Variants in SENP6 observed in about 807,000 individuals in gnomAD.
SENP6 encodes the protein SUMO specific peptidase 6.
SENP6 carries 41 observed loss-of-function variants against 134.5 expected under a neutral mutation model. The observed-to-expected ratio is 0.30, with a 90% CI of 0.24 to 0.40. SENP6 has a LOEUF of 0.40. Among genes scored for constraint, SENP6 ranks in the 10% least tolerant of loss-of-function variants. The probability of loss-of-function intolerance (pLI) is 1.00; values close to 1 mark genes in which losing one functional copy is unlikely to be tolerated. For missense variants in SENP6, 1,248 were observed against 1,312.5 expected, an observed-to-expected ratio of 0.95 and a Z score of 0.76; for synonymous variants, 395 against 429.8, an observed-to-expected ratio of 0.92 and a Z score of 1.00.
chr6:75,645,213 T>C lies in SENP6; in HGVS notation c.480-2518T>C, dbSNP rs1281550213. Among the ~76,000 whole-genome samples the C allele has an allele frequency of 2.0e-5, 3 of 152,070 alleles. No individual in the cohort carries two copies. In the East Asian group the frequency reaches 5.8e-4, roughly 29 times the overall value. ...TTCTCTGCCTCTGGTTGGTTAGGGG[T>C]AGAAAAGAAATAGCCACTTTGAGAT... On this transcript the variant is annotated intron_variant, in intron 6 of 23. Transcript: ENST00000447266.
At position 75,717,964 on chromosome 6, in the gene SENP6, C is replaced by T. The variant is rs1289070701; in HGVS notation, c.*2370C>T. ...GTTAATGTTGCTGTGCTACTTCAGA[C>T]AGCTGAAAACTTAATGGTATTATTT... is the stretch of plus-strand genomic sequence containing the variant. On this transcript the variant is annotated 3_prime_UTR_variant, in exon 24 of 24. Coordinates refer to ENST00000447266, the MANE Select transcript of SENP6 (RefSeq NM_015571.4). 1.3e-5 allele frequency: 2 copies of T among 152,142 alleles called. No individual in the cohort carries two copies. Among genetic ancestry groups the T allele is most frequent in the South Asian group, 2.1e-4 (1 of 4,838 alleles). 9.4% of individuals were successfully genotyped at this position (152,142 alleles called of 1,614,324 possible). A position where few individuals can be genotyped will look rare whatever the true frequency, so the allele number is the denominator to read the frequency against.
At chr6:75,706,784 T>C (rs1242987919) in intron 19 of SENP6, among the ~76,000 whole-genome samples, 5 of 152,238 alleles carry the variant, frequency 3.3e-5, no homozygotes, top group African/African-American at 9.6e-5. Context: ...TGACTACTTA[T>C]GTCAGATAAC....
intron 21 of SENP6, among the ~76,000 whole-genome samples, chr6:75,712,568 G>C (rs978712464): frequency 6.6e-6 from 1 of 150,584 alleles, no homozygotes; most frequent in Non-Finnish European, 1.5e-5. Flanking sequence ...AAATAACCTA[G>C]ATTTTTTTTA....
chr6:75,711,560 A>C (rs985001110), intron 21 of SENP6, 144 bp downstream of exon 21: 1 of 531,348 alleles, frequency 1.9e-6, no homozygotes, highest in African/African-American at 1.9e-5. Flanking sequence ...GAGGCATGCT[A>C]TCTAGGGATT....
chr6:75,613,123 A>AT, intron 1 of SENP6, among the ~76,000 whole-genome samples: 1 of 151,872 alleles, frequency 6.6e-6, no homozygotes, highest in East Asian at 1.9e-4. Context: ...TTAAAAAAAA[A>AT]AAAAGAAAAG....
At chr6:75,678,970 T>G in intron 16 of SENP6, 43 bp downstream of exon 16, 1 of 946,126 alleles carries the variant, frequency 1.1e-6, no homozygotes, top group South Asian at 1.4e-5. Flanking sequence ...TCTTTAACAT[T>G]CCGTCATATC....
Position 75,602,467 on chromosome 6 carries a change from C to T in SENP6, c.-58C>T. On this transcript the variant is annotated 5_prime_UTR_variant, in exon 1 of 24. Transcript: ENST00000447266. ...CCTCCGGCGCGGCCCCTCATCCCGG[C>T]GAGCACGGCGGCGGTGTGGGCCATG... 2 of 1,543,810 alleles carry T rather than the reference C, an allele frequency of 1.3e-6. No homozygotes were observed. Among genetic ancestry groups the T allele is most frequent in the East Asian group, 2.4e-5 (1 of 40,854 alleles).
intron 7 of SENP6, among the ~76,000 whole-genome samples, chr6:75,657,332 T>C (rs1231147503): frequency 2.0e-5 from 3 of 152,208 alleles, no homozygotes; most frequent in African/African-American, 7.2e-5. Context: ...CAAAGTAACT[T>C]AGCCTTCATA....
chr6:75,691,143 A>ATTTT (rs36048279), intron 16 of SENP6, among the ~76,000 whole-genome samples: 146 of 141,512 alleles, frequency 1.0e-3, no homozygotes, highest in African/African-American at 3.5e-3. Flanking sequence ...CCCAGCTAAA[A>ATTTT]TTTTTTTTTT....
chr6:75,618,429 T>TA (rs749279098), intron 1 of SENP6, among the ~76,000 whole-genome samples: 15 of 151,534 alleles, frequency 9.9e-5, no homozygotes, highest in East Asian at 5.8e-4. Flanking sequence ...CCCCTGTCTT[T>TA]AAAAAAAAAT....
chr6:75,646,276 C>A (rs967871626), intron 6 of SENP6, among the ~76,000 whole-genome samples: 1 of 152,124 alleles, frequency 6.6e-6, no homozygotes, highest in African/African-American at 2.4e-5. Flanking sequence ...CATATCTTCA[C>A]AAATTTCAAA....
intron 11 of SENP6, 51 bp downstream of exon 11, chr6:75,670,771 C>T (rs759541793): frequency 2.2e-5 from 24 of 1,109,714 alleles, no homozygotes; most frequent in Admixed American, 6.7e-5. Flanking sequence ...TTAAAAATTC[C>T]GTTGCTAAAG....
At chr6:75,632,024 G>A (rs1173621220) in intron 3 of SENP6, among the ~76,000 whole-genome samples, 1 of 152,154 alleles carries the variant, frequency 6.6e-6, no homozygotes, top group African/African-American at 2.4e-5. Flanking sequence ...GAGCGTGTGG[G>A]TTCTTAAACA....
intron 5 of SENP6, among the ~76,000 whole-genome samples, chr6:75,636,621 A>T (rs948724339): frequency 6.6e-6 from 1 of 152,198 alleles, no homozygotes; most frequent in East Asian, 1.9e-4. Context: ...CAGTAGAGCT[A>T]TACAAAATAC....
intron 10 of SENP6, among the ~76,000 whole-genome samples, chr6:75,668,435 A>T (rs1018919532): frequency 6.6e-6 from 1 of 152,220 alleles, no homozygotes; most frequent in East Asian, 1.9e-4. Flanking sequence ...TTTAATTTTT[A>T]AAAAATAAAG....
chr6:75,685,595 T>C (rs926338189), intron 16 of SENP6, among the ~76,000 whole-genome samples: 3 of 152,216 alleles, frequency 2.0e-5, no homozygotes, highest in Admixed American at 6.5e-5. Flanking sequence ...TCTGGTACGT[T>C]GTGCCTTTGT....
chr6:75,616,764 A>AC (rs1767881335), intron 1 of SENP6, among the ~76,000 whole-genome samples: 1 of 151,224 alleles, frequency 6.6e-6, no homozygotes, highest in Admixed American at 6.6e-5. Flanking sequence ...AAAAAAAAAA[A>AC]GGAATTGTGT....
intron 1 of SENP6, chr6:75,611,608 T>C (rs1029277092): frequency 1.2e-4 from 18 of 152,216 alleles, no homozygotes; most frequent in African/African-American, 3.6e-4. Flanking sequence ...ATAAGGAACA[T>C]TTGGAACTAC....
chr6:75,637,594 T>C (rs1013750079), intron 5 of SENP6, among the ~76,000 whole-genome samples: 2 of 152,140 alleles, frequency 1.3e-5, no homozygotes, highest in Non-Finnish European at 2.9e-5. Flanking sequence ...ACAACACATT[T>C]TATGGGTTGA....
Sources: gnomAD v4.1 joint callset for allele counts (sites outside exome capture counted in the v4.1 genomes callset) on GRCh38, gnomAD v4.1.1 for gene constraint, MANE v1.5 for transcripts, NCBI Gene and HGNC (gene_info 2026-07-23, HGNC 2026-07-21) for gene names.